The following LSM11 variants were observed in gnomAD, a reference collection of about 807,000 sequenced individuals.
LSM11 encodes the protein U7 snRNA-associated Sm-like protein LSm11.
A neutral mutation model predicts 28.1 loss-of-function variants in LSM11; 14 were observed. The ratio of observed to expected loss-of-function variants is 0.50; its 90% CI spans 0.33 to 0.78. LSM11 has a LOEUF of 0.78. Ranked by LOEUF, LSM11 falls within the 30% of genes least tolerant of loss-of-function variation. The pLI, the probability that LSM11 is intolerant of heterozygous loss-of-function variation, is 0.02. For synonymous variants in LSM11, 207 were observed against 214.2 expected, an observed-to-expected ratio of 0.97 and a Z score of 0.30; for missense variants, 495 against 510.6, an observed-to-expected ratio of 0.97 and a Z score of 0.30.
chr5:157,753,887 A>T, intron 2 of LSM11, 117 bp from the exon 3 acceptor site: 1 of 555,854 alleles, frequency 1.8e-6, no homozygotes, highest in East Asian at 3.4e-5. Flanking sequence ...GTCATCTGTT[A>T]AGTGTAGTTC....
rs1486979744 is a variant in LSM11, at chr5:157,759,160, TA to T, written c.*3897del. 2 of 152,354 alleles carry T rather than the reference TA, an allele frequency of 1.3e-5. No individual in the cohort carries two copies. Among genetic ancestry groups the T allele is most frequent in the East Asian group, 1.9e-4 (1 of 5,186 alleles). The allele number at this position is 152,354 out of a possible 1,614,324, so 9.4% of individuals were successfully genotyped here. A position where few individuals can be genotyped will look rare whatever the true frequency, so the allele number is the denominator to read the frequency against. On this transcript the variant is annotated 3_prime_UTR_variant, in exon 4 of 4. Transcript: ENST00000286307. ...CCAAGAAACCGTTGGCATTAAAATC[TA>T]GATGCATAGAGATCCTTGCTATGAG...
At position 157,743,992 on chromosome 5, in the gene LSM11, C is replaced by G. The variant is rs1332838286; in HGVS notation, c.242C>G (p.Ala81Gly). 14 of 1,267,298 alleles carry G rather than the reference C, an allele frequency of 1.1e-5. No homozygotes were observed. The highest frequency in any genetic ancestry group is 2.6e-4 in the Middle Eastern group (1 of 3,798). 78.5% of individuals were successfully genotyped at this position (1,267,298 alleles called of 1,614,324 possible). The change falls in exon 1 of 4, where the codon GCC becomes GGC. Residue 81 changes from alanine (A) to glycine (G), a missense_variant. Ala to Gly is a moderately conservative substitution (Grantham distance 60, BLOSUM62 0). Transcript: ENST00000286307. ...GRGRGRARGA[A>G]AGSGVPAAPG... is the part of the protein sequence containing the mutation. ...GGGCGCGGGCGGGCTCGGGGCGCGG[C>G]CGCGGGCTCTGGGGTTCCCGCCGCA...
chr5:157,754,692 CAAAAAAAAAAAA>C (rs34644413), intron 3 of LSM11, among the ~76,000 whole-genome samples, 150 bp from the exon 4 acceptor site: 1 of 90,294 alleles, frequency 1.1e-5, no homozygotes, highest in Non-Finnish European at 2.1e-5. Context: ...ACTCCGTCTC[CAAAAAAAAAAAA>C]AAAAAAAAAG....
chr5:157,749,356 A>G (rs1418972981), intron 1 of LSM11, among the ~76,000 whole-genome samples: 2 of 152,250 alleles, frequency 1.3e-5, no homozygotes, highest in East Asian at 1.9e-4. Context: ...AAAAGAAATA[A>G]TGCAAGCATG....
At chr5:157,747,514 G>A (rs750155771) in intron 1 of LSM11, 12 of 228,982 alleles carry the variant, frequency 5.2e-5, no homozygotes, top group Non-Finnish European at 8.9e-5. Flanking sequence ...CCTTTTACTC[G>A]CACACATCCT....
At position 157,757,709 on chromosome 5, in the gene LSM11, T is replaced by C. The variant is rs1165889011; in HGVS notation, c.*2445T>C. The C allele has an allele frequency of 6.6e-6, 1 of 152,248 alleles. No homozygotes were observed. Among genetic ancestry groups the C allele is most frequent in the Non-Finnish European group, 1.5e-5 (1 of 68,046 alleles). The allele number at this position is 152,248 out of a possible 1,614,324, so 9.4% of individuals were successfully genotyped here. On this transcript the variant is annotated 3_prime_UTR_variant, in exon 4 of 4. Transcript: ENST00000286307. Reference sequence around the variant, plus strand: ...AACACTGCGTATACCTGTGTGGCTATCCTCATCTGCCTGCCCTCTCATCCC... The same window carrying C: ...AACACTGCGTATACCTGTGTGGCTACCCTCATCTGCCTGCCCTCTCATCCC...
At chr5:157,750,269 G>A (rs916215818) in intron 1 of LSM11, among the ~76,000 whole-genome samples, 1 of 152,176 alleles carries the variant, frequency 6.6e-6, no homozygotes, top group African/African-American at 2.4e-5. Context: ...AATGTGTACG[G>A]CTTTCTTTTG....
At position 157,759,314 on chromosome 5, in the gene LSM11, A is replaced by T. The variant is rs1761376468; in HGVS notation, c.*4050A>T. 6.6e-6 allele frequency: 1 copy of T among 152,158 alleles called. No individual in the cohort carries two copies. Among genetic ancestry groups the T allele is most frequent in the African/African-American group, 2.4e-5 (1 of 41,418 alleles). The allele number at this position is 152,158 out of a possible 1,614,324, so 9.4% of individuals were successfully genotyped here. A position where few individuals can be genotyped will look rare whatever the true frequency, so the allele number is the denominator to read the frequency against. On this transcript the variant is annotated 3_prime_UTR_variant, in exon 4 of 4. Transcript: ENST00000286307. ...AGCCTTACAAAAATTGAGATGTACC[A>T]TTTCTACCCTTTGAGAAAAAAGAAA...
Position 157,743,857 on chromosome 5 carries a change from C to T in LSM11, c.107C>T (p.Ala36Val). ...TCTGACAGCTTCGACCCGCTGCTGG[C>T]CCTGTACGCGCCCCGCCTGCCTCCC... ...VSSDSFDPLL[A>V]LYAPRLPPIP... The change falls in exon 1 of 4, where the codon GCC becomes GTC. Residue 36 changes from alanine (A) to valine (V), a missense_variant. Coordinates refer to ENST00000286307, the MANE Select transcript of LSM11 (RefSeq NM_173491.4). 1.9e-6 allele frequency: 3 copies of T among 1,559,962 alleles called. No homozygotes were observed. Among genetic ancestry groups the T allele is most frequent in the Non-Finnish European group, 2.6e-6 (3 of 1,155,790 alleles).
chr5:157,747,993 C>CTGTGTGTGTGTGTGTGTG (rs5872520), intron 1 of LSM11, among the ~76,000 whole-genome samples: 2 of 148,618 alleles, frequency 1.3e-5, no homozygotes, highest in African/African-American at 5.0e-5. Context: ...CACCACACTG[C>CTGTGTGTGTGTGTGTGTG]TGTGTGTGTG....
At position 157,756,540 on chromosome 5, in the gene LSM11, GA is replaced by G. The variant is rs1761331226; in HGVS notation, c.*1280del. The G allele has an allele frequency of 6.6e-6, 1 of 152,542 alleles. No homozygotes were observed. The highest frequency in any genetic ancestry group is 2.1e-4 in the South Asian group (1 of 4,830). 9.4% of individuals were successfully genotyped at this position (152,542 alleles called of 1,614,324 possible). A position where few individuals can be genotyped will look rare whatever the true frequency, so the allele number is the denominator to read the frequency against. On this transcript the variant is annotated 3_prime_UTR_variant, in exon 4 of 4. Transcript: ENST00000286307. ...GCCAACTAGTTAAAATGTATGAAAA[GA>G]AAACTTTCCCCTGCTGTATTTGTTG...
chr5:157,751,670 G>A, intron 2 of LSM11, 141 bp downstream of exon 2: 1 of 949,324 alleles, frequency 1.1e-6, no homozygotes, highest in Non-Finnish European at 1.6e-6. Context: ...ATACTTTTGG[G>A]CAACAACAAG....
rs906870470 is a variant in LSM11, at chr5:157,760,105, C to A, written c.*4841C>A. On this transcript the variant is annotated 3_prime_UTR_variant, in exon 4 of 4. Coordinates refer to ENST00000286307, the MANE Select transcript of LSM11 (RefSeq NM_173491.4). ...AGTTAGTGCTTCTTTAAAAACACTC[C>A]TTGGAAAGATGGGGACTGTCCCTTA... is the stretch of plus-strand genomic sequence containing the variant. 1.3e-5 allele frequency: 2 copies of A among 152,122 alleles called. No individual in the cohort carries two copies. The highest frequency in any genetic ancestry group is 1.3e-4 in the Admixed American group (2 of 15,270). 9.4% of individuals were successfully genotyped at this position (152,122 alleles called of 1,614,324 possible). A position where few individuals can be genotyped will look rare whatever the true frequency, so the allele number is the denominator to read the frequency against.
chr5:157,755,459 T>A lies in LSM11; in HGVS notation c.*195T>A. 3.3e-6 allele frequency: 2 copies of A among 611,316 alleles called. No individual in the cohort carries two copies. The highest frequency in any genetic ancestry group is 5.7e-6 in the Non-Finnish European group (2 of 353,764). The allele number at this position is 611,316 out of a possible 1,614,324, so 37.9% of individuals were successfully genotyped here. A position where few individuals can be genotyped will look rare whatever the true frequency, so the allele number is the denominator to read the frequency against. ...GCCTTGGGAGGGCAGGCGTTTGCAT[T>A]AATATCAAGGCAAAAAGCATTCATA... On this transcript the variant is annotated 3_prime_UTR_variant, in exon 4 of 4. Transcript: ENST00000286307.
At chr5:157,749,488 A>G (rs930166707) in intron 1 of LSM11, among the ~76,000 whole-genome samples, 6 of 152,222 alleles carry the variant, frequency 3.9e-5, no homozygotes, top group African/African-American at 1.2e-4. Flanking sequence ...GTTATTCATC[A>G]GGTTCACACA....
Position 157,759,497 on chromosome 5 carries a change from A to G in LSM11, c.*4233A>G, listed in dbSNP as rs777246923. ...CTCTAGGAAAAAATTAAAACTATTC[A>G]ATGACAGCTAGCTGTCACTGGTGCT... On this transcript the variant is annotated 3_prime_UTR_variant, in exon 4 of 4. Coordinates refer to ENST00000286307, the MANE Select transcript of LSM11 (RefSeq NM_173491.4). 5 of 152,206 alleles carry G rather than the reference A, an allele frequency of 3.3e-5. No homozygotes were observed. Among genetic ancestry groups the G allele is most frequent in the Non-Finnish European group, 5.9e-5 (4 of 68,032 alleles). 9.4% of individuals were successfully genotyped at this position (152,206 alleles called of 1,614,324 possible).
In LSM11 at chr5:157,744,663, G is replaced by A. The variant is rs189748882; in HGVS notation, c.448+465G>A. On this transcript the variant is annotated intron_variant, in intron 1 of 3. Coordinates refer to ENST00000286307, the MANE Select transcript of LSM11 (RefSeq NM_173491.4). ...CCACAGTGAGAGGTAAGGTGGGGCG[G>A]AAAACGGGAGACGTGGGGGAGCGCA... is the stretch of plus-strand genomic sequence containing the variant. Among the ~76,000 whole-genome samples, 578 of 152,204 alleles carry A rather than the reference G, an allele frequency of 3.8e-3. 6 individuals are homozygous for A. Among genetic ancestry groups the A allele is most frequent in the Non-Finnish European group, 6.5e-3 (443 of 68,014 alleles).
intron 2 of LSM11, 33 bp from the exon 3 acceptor site, chr5:157,753,971 T>G: frequency 7.2e-7 from 1 of 1,398,132 alleles, no homozygotes; most frequent in Non-Finnish European, 9.6e-7. Flanking sequence ...TTTAATTCTG[T>G]CTAATGTTTT....
chr5:157,748,909 G>A (rs776199442), intron 1 of LSM11, among the ~76,000 whole-genome samples: 1 of 152,080 alleles, frequency 6.6e-6, no homozygotes, highest in Non-Finnish European at 1.5e-5. Context: ...TGTCATATTT[G>A]GTCATAGAAA....
Sources: allele counts gnomAD v4.1 joint callset (sites outside exome capture counted in the v4.1 genomes callset), GRCh38; gene constraint gnomAD v4.1.1; transcripts MANE v1.5; gene names NCBI Gene and HGNC (gene_info 2026-07-23, HGNC 2026-07-21).